Variants in ADGRL3 observed in about 807,000 individuals in gnomAD.
The protein encoded by ADGRL3 is adhesion G protein-coupled receptor L3, also known as calcium-independent alpha-latrotoxin receptor 3.
Under a neutral mutation model 153.5 loss-of-function variants are expected in ADGRL3, and 62 were observed. The observed-to-expected ratio is 0.40, with a 90% confidence interval of 0.33 to 0.50. The LOEUF (loss-of-function observed/expected upper bound fraction) is 0.50. Ranked by LOEUF, ADGRL3 falls within the 20% of genes least tolerant of loss-of-function variation. The probability of loss-of-function intolerance (pLI) is 0.47; values close to 1 mark genes in which losing one functional copy is unlikely to be tolerated. For missense variants in ADGRL3, 1,641 were observed against 1,859.4 expected, an observed-to-expected ratio of 0.88 and a Z score of 2.16; for synonymous variants, 710 against 672.5, an observed-to-expected ratio of 1.06 and a Z score of -0.86.
intron 1 of ADGRL3, among the ~76,000 whole-genome samples, chr4:61,259,704 G>A (rs1294320278): frequency 1.3e-5 from 2 of 151,982 alleles, no homozygotes; most frequent in East Asian, 3.9e-4. Flanking sequence ...AAGCAGGAGT[G>A]TTTATTTTTT....
chr4:61,676,534 T>C (rs1231816038), intron 5 of ADGRL3, among the ~76,000 whole-genome samples: 1 of 151,924 alleles, frequency 6.6e-6, no homozygotes, highest in Non-Finnish European at 1.5e-5. Flanking sequence ...ATTGGCAATA[T>C]CCTGTGGACC....
chr4:61,430,402 G>C (rs974678231), intron 2 of ADGRL3, among the ~76,000 whole-genome samples: 5 of 152,038 alleles, frequency 3.3e-5, no homozygotes, highest in African/African-American at 1.2e-4. Flanking sequence ...TTGGTATAGA[G>C]AATAAAATAT....
At chr4:61,492,338 A>T (rs1486165560) in intron 2 of ADGRL3, among the ~76,000 whole-genome samples, 1 of 152,138 alleles carries the variant, frequency 6.6e-6, no homozygotes, top group African/African-American at 2.4e-5. Flanking sequence ...TATAAACAAG[A>T]TATAGTTTCT....
intron 1 of ADGRL3, among the ~76,000 whole-genome samples, chr4:61,344,366 G>C (rs1048638746): frequency 6.6e-6 from 1 of 152,062 alleles, no homozygotes; most frequent in African/African-American, 2.4e-5. Context: ...ACAGATGCAC[G>C]CAAGTACAGG....
At chr4:61,281,324 T>G (rs191591160) in intron 1 of ADGRL3, among the ~76,000 whole-genome samples, 2 of 152,294 alleles carry the variant, frequency 1.3e-5, no homozygotes, top group Admixed American at 1.3e-4. Flanking sequence ...AAAGCTTTTT[T>G]ACTTGTAAGC....
chr4:61,394,578 A>G (rs1014872659), intron 2 of ADGRL3, among the ~76,000 whole-genome samples: 1 of 151,490 alleles, frequency 6.6e-6, no homozygotes, highest in Non-Finnish European at 1.5e-5. Context: ...ACTTAAATAT[A>G]AAAAAAAATT....
chr4:61,441,716 T>C (rs974946999), intron 2 of ADGRL3, among the ~76,000 whole-genome samples: 7 of 152,252 alleles, frequency 4.6e-5, no homozygotes, highest in African/African-American at 9.6e-5. Flanking sequence ...TATTAAAATA[T>C]GTAGATAATT....
chr4:62,068,556 C>T (rs1228336281), intron 26 of ADGRL3, among the ~76,000 whole-genome samples: 1 of 152,118 alleles, frequency 6.6e-6, no homozygotes, highest in Non-Finnish European at 1.5e-5. Context: ...CTGTTTTCAG[C>T]CCGTACCTAA....
intron 2 of ADGRL3, among the ~76,000 whole-genome samples, chr4:61,390,679 G>A (rs944844714): frequency 2.0e-5 from 3 of 152,114 alleles, no homozygotes; most frequent in Admixed American, 2.0e-4. Flanking sequence ...ATTTATGCTT[G>A]TAGTCTTTTT....
chr4:62,024,887 G>C (rs1186614991), intron 21 of ADGRL3, among the ~76,000 whole-genome samples: 4 of 138,132 alleles, frequency 2.9e-5, no homozygotes, highest in Non-Finnish European at 4.5e-5. Context: ...CCGAGATTGT[G>C]CCATTGCACT....
intron 5 of ADGRL3, among the ~76,000 whole-genome samples, chr4:61,640,567 A>C (rs541090153): frequency 1.3e-5 from 2 of 152,298 alleles, no homozygotes; most frequent in Admixed American, 6.5e-5. Flanking sequence ...TCTCTGTGGA[A>C]TAGTTCTATG....
intron 8 of ADGRL3, among the ~76,000 whole-genome samples, chr4:61,767,335 T>C (rs569106350): frequency 4.7e-5 from 7 of 150,370 alleles, no homozygotes; most frequent in Admixed American, 4.6e-4. Context: ...ATTGTCTAAG[T>C]TGGCACCAGA....
intron 21 of ADGRL3, among the ~76,000 whole-genome samples, chr4:62,026,525 A>G (rs7667039): frequency 0.028 from 4,293 of 152,224 alleles, 222 homozygotes; most frequent in African/African-American, 0.097. Context: ...TTGCACCCTG[A>G]TATCTCTATT....
intron 4 of ADGRL3, among the ~76,000 whole-genome samples, chr4:61,541,896 C>T (rs1560810708): frequency 6.6e-6 from 1 of 151,572 alleles, no homozygotes; most frequent in African/African-American, 2.4e-5. Flanking sequence ...AGTAGCTGAG[C>T]TCGTCAAGTT....
At chr4:61,862,528 T>C (rs555629612) in intron 9 of ADGRL3, among the ~76,000 whole-genome samples, 3 of 152,318 alleles carry the variant, frequency 2.0e-5, no homozygotes, top group African/African-American at 7.2e-5. Flanking sequence ...ACAAAGCCTG[T>C]AGTTCTCCTC....
intron 25 of ADGRL3, among the ~76,000 whole-genome samples, chr4:62,051,167 T>A (rs1733948271): frequency 2.3e-5 from 1 of 43,670 alleles, no homozygotes; most frequent in East Asian, 8.7e-4. Flanking sequence ...TGTGTGTGTG[T>A]GTATATATAT....
rs375629937 is a variant in ADGRL3, at chr4:61,397,720, T to TA, written c.-174+14539dup. The stretch of plus-strand genomic sequence containing the variant: ...ACACATAGTATTAGCTAATTTCCTA[T>TA]AAAAAAAATTGTCAGTATTAACTGG... On this transcript the variant is annotated intron_variant, in intron 2 of 26. Coordinates refer to ENST00000683033, the MANE Select transcript of ADGRL3 (RefSeq NM_001387552.1). Among the ~76,000 whole-genome samples the TA allele has an allele frequency of 4.8e-3, 722 of 151,736 alleles. 11 individuals are homozygous for TA. Among genetic ancestry groups the TA allele is most frequent in the Middle Eastern group, 6.8e-3 (2 of 294 alleles).
intron 9 of ADGRL3, among the ~76,000 whole-genome samples, chr4:61,856,950 C>T (rs866353126): frequency 8.6e-4 from 49 of 56,968 alleles, no homozygotes; most frequent in African/African-American, 2.2e-3. Flanking sequence ...CTTTCTTCTT[C>T]TCTTTCTTTC....
chr4:61,226,649 A>C (rs926474464), intron 1 of ADGRL3, among the ~76,000 whole-genome samples: 1 of 152,118 alleles, frequency 6.6e-6, no homozygotes, highest in African/African-American at 2.4e-5. Flanking sequence ...TATTTGCCTT[A>C]TTGTATGGGA....
Sources: allele counts gnomAD v4.1 joint callset (sites outside exome capture counted in the v4.1 genomes callset), GRCh38; gene constraint gnomAD v4.1.1; transcripts MANE v1.5; gene names NCBI Gene and HGNC (gene_info 2026-07-23, HGNC 2026-07-21).